The following RARG variants were observed in gnomAD, a reference collection of about 807,000 sequenced individuals.
RARG encodes the protein retinoic acid receptor gamma.
RARG carries 17 observed loss-of-function variants against 43.7 expected under a neutral mutation model. The ratio of observed to expected loss-of-function variants is 0.39; its 90% CI spans 0.27 to 0.58. The LOEUF is 0.58. RARG is among the 20% of genes least tolerant of loss of function. The pLI is 0.57. For synonymous variants in RARG, 238 were observed against 236.4 expected, an observed-to-expected ratio of 1.01 and a Z score of -0.06; for missense variants, 346 against 598.7, an observed-to-expected ratio of 0.58 and a Z score of 4.40.
chr12:53,222,233 G>GAAAGAAAGAAAA (rs1555181728), intron 3 of RARG, among the ~76,000 whole-genome samples: 4,261 of 149,780 alleles, frequency 0.028, 115 homozygotes, highest in South Asian at 0.099. Flanking sequence ...AAGAAAGAGA[G>GAAAGAAAGAAAA]AGAAAGAAAA....
chr12:53,219,979 A>G (rs1942903118), intron 3 of RARG: 1 of 1,519,534 alleles, frequency 6.6e-7, no homozygotes, highest in Non-Finnish European at 8.8e-7. Context: ...CGGCCAGGCA[A>G]AAGATTCAAG....
intron 3 of RARG, chr12:53,220,055 A>G (rs1244162010): frequency 1.3e-6 from 2 of 1,549,012 alleles, no homozygotes; most frequent in Admixed American, 2.0e-5. Flanking sequence ...GCCGCCCCGT[A>G]CAGCCGTCGC....
At position 53,211,677 on chromosome 12, in the gene RARG, C is replaced by G. The variant is rs770953830; in HGVS notation, c.1364G>C (p.Ter455SerextTer18). 6.7e-7 allele frequency: 1 copy of G among 1,493,276 alleles called. No individual in the cohort carries two copies. The highest frequency in any genetic ancestry group is 1.4e-5 in the African/African-American group (1 of 69,236). The allele number at this position is 1,493,276 out of a possible 1,614,324, so 92.5% of individuals were successfully genotyped here. A position where few individuals can be genotyped will look rare whatever the true frequency, so the allele number is the denominator to read the frequency against. Residue 455 changes from the stop codon to serine, a stop_lost, in exon 10 of 10, where the codon TGA becomes TCA. Coordinates refer to ENST00000425354, the MANE Select transcript of RARG (RefSeq NM_000966.6). The surrounding 1 kb of genome is among the most constrained non-coding windows in gnomAD (Gnocchi z 4.6). ...QGKGGLKSPA[*>S] ...CAGCGGGGAGGTCAGGGGCCCTGGTCAGGCTGGGGACTTCAGGCCCCCTTT... is the reference window on the plus strand; with the variant it reads ...CAGCGGGGAGGTCAGGGGCCCTGGTGAGGCTGGGGACTTCAGGCCCCCTTT...
At chr12:53,231,860 G>A in intron 1 of RARG, 114 bp downstream of exon 1, 1 of 388,248 alleles carries the variant, frequency 2.6e-6, no homozygotes, top group Non-Finnish European at 4.5e-6. Context: ...GGCCAGCCTG[G>A]CCAGCCTCGG....
At chr12:53,219,019 C>A (rs1200861214) in intron 3 of RARG, among the ~76,000 whole-genome samples, 2 of 152,160 alleles carry the variant, frequency 1.3e-5, no homozygotes, top group Non-Finnish European at 2.9e-5. Flanking sequence ...CCTCTCAGTC[C>A]CCAGCTTTTT....
intron 2 of RARG, among the ~76,000 whole-genome samples, chr12:53,228,693 T>C (rs78754886): frequency 0.037 from 5,628 of 151,822 alleles, 205 homozygotes; most frequent in East Asian, 0.13. Flanking sequence ...GCCTCCTTTT[T>C]TCTCTCTCTC....
At chr12:53,225,501 T>G (rs1943085807) in intron 3 of RARG, among the ~76,000 whole-genome samples, 1 of 152,166 alleles carries the variant, frequency 6.6e-6, no homozygotes, top group Non-Finnish European at 1.5e-5. Context: ...AGTCACCCCT[T>G]TCACATACAG....
rs762037797 is a variant in RARG, at chr12:53,215,612, A to G, written c.333+34T>C. ...TCTCTCATCTTACTAGGGTAACTGGATCCCCCGTCTGCCCACTCCCACCAC... is the reference window on the plus strand; with the variant it reads ...TCTCTCATCTTACTAGGGTAACTGGGTCCCCCGTCTGCCCACTCCCACCAC... On this transcript the variant is annotated intron_variant, in intron 4 of 9. Transcript: ENST00000425354. This position sits in a 1 kb window ranked among gnomAD's most constrained non-coding sequence, Gnocchi z 6.4. The G allele has an allele frequency of 3.8e-6, 6 of 1,598,830 alleles. No homozygotes were observed. Among genetic ancestry groups the G allele is most frequent in the Middle Eastern group, 1.7e-4 (1 of 5,998 alleles).
chr12:53,218,326 T>C (rs1245441079), intron 3 of RARG, among the ~76,000 whole-genome samples: 3 of 152,084 alleles, frequency 2.0e-5, no homozygotes, highest in East Asian at 3.9e-4. Context: ...TTGGTCCCAA[T>C]TAAAACTCAA....
chr12:53,212,733 T>TAC (rs1168228129), intron 9 of RARG, among the ~76,000 whole-genome samples: 235 of 130,858 alleles, frequency 1.8e-3, no homozygotes, highest in African/African-American at 5.7e-3. Flanking sequence ...TCTAAATATA[T>TAC]ATATACACAC....
In RARG at chr12:53,227,327, A is replaced by G. The variant is rs769540321; in HGVS notation, c.184+35T>C. On this transcript the variant is annotated intron_variant, in intron 3 of 9. Transcript: ENST00000425354. The surrounding 1 kb of genome is among the most constrained non-coding windows in gnomAD (Gnocchi z 4.3). ...ACCCTCCTGATGCCTTCTTGTTAACATTTGCCTTCATTCCCCAAGATCCCT... is the reference window on the plus strand; with the variant it reads ...ACCCTCCTGATGCCTTCTTGTTAACGTTTGCCTTCATTCCCCAAGATCCCT... 6.7e-7 allele frequency: 1 copy of G among 1,493,718 alleles called. No individual in the cohort carries two copies. The highest frequency in any genetic ancestry group is 1.3e-5 in the South Asian group (1 of 74,468). 92.5% of individuals were successfully genotyped at this position (1,493,718 alleles called of 1,614,324 possible). A position where few individuals can be genotyped will look rare whatever the true frequency, so the allele number is the denominator to read the frequency against.
intron 3 of RARG, among the ~76,000 whole-genome samples, chr12:53,216,860 G>GCGCA (rs1555180864): frequency 8.2e-6 from 1 of 121,712 alleles, no homozygotes; most frequent in Non-Finnish European, 1.7e-5. Flanking sequence ...GCGCGCGCGC[G>GCGCA]CGTGTGGTTG....
At chr12:53,214,411 T>C (rs368026845) in intron 6 of RARG, 35 bp downstream of exon 6, 2 of 1,597,042 alleles carry the variant, frequency 1.3e-6, no homozygotes, top group African/African-American at 2.7e-5. Flanking sequence ...AAGTGAAGAG[T>C]GCCCTGCCCT....
At chr12:53,214,265 G>A in intron 6 of RARG, 30 bp from the exon 7 acceptor site, 2 of 1,587,876 alleles carry the variant, frequency 1.3e-6, no homozygotes, top group Non-Finnish European at 1.7e-6. Context: ...AAGGTTGGAA[G>A]GCAAGCTAAG....
intron 3 of RARG, among the ~76,000 whole-genome samples, chr12:53,224,810 G>A (rs78435498): frequency 0.028 from 4,277 of 151,822 alleles, 112 homozygotes; most frequent in South Asian, 0.098. Context: ...CTCCTCCCTT[G>A]GATTTCTCCT....
In RARG at chr12:53,213,101, C is replaced by T. The variant is rs1942651017; in HGVS notation, c.1161G>A (p.Arg387=). The change falls in exon 9 of 10, where the codon CGG becomes CGA. Residue 387 remains arginine (R), a synonymous_variant. Coordinates refer to ENST00000425354, the MANE Select transcript of RARG (RefSeq NM_000966.6). This position sits in a 1 kb window ranked among gnomAD's most constrained non-coding sequence, Gnocchi z 4.7. ...PRMLMKITDL[R]GISTKGAERA... is the part of the protein sequence containing the mutation. ...ATGACTCACCCTTAGTGCTGATGCC[C>T]CGGAGGTCGGTGATTTTCATTAGCA... 6.2e-7 allele frequency: 1 copy of T among 1,613,560 alleles called. No individual in the cohort carries two copies. Among genetic ancestry groups the T allele is most frequent in the East Asian group, 2.2e-5 (1 of 44,884 alleles).
At chr12:53,228,774 A>G (rs559864340) in intron 2 of RARG, among the ~76,000 whole-genome samples, 1 of 152,200 alleles carries the variant, frequency 6.6e-6, no homozygotes, top group Non-Finnish European at 1.5e-5. Flanking sequence ...GGGTTTCTCC[A>G]GGTTGGTCAG....
intron 2 of RARG, among the ~76,000 whole-genome samples, chr12:53,228,447 C>T (rs576247235): frequency 2.1e-4 from 32 of 152,290 alleles, no homozygotes; most frequent in African/African-American, 6.0e-4. Context: ...CATATTAGTT[C>T]TCTTTGTACC....
chr12:53,227,285 C>T lies in RARG; in HGVS notation c.184+77G>A. ...CTGCCTGCCTTCCTAACTGGGGTGC[C>T]AACTCTTTTACCATCCACCCTCCTG... On this transcript the variant is annotated intron_variant, in intron 3 of 9. Coordinates refer to ENST00000425354, the MANE Select transcript of RARG (RefSeq NM_000966.6). This position sits in a 1 kb window ranked among gnomAD's most constrained non-coding sequence, Gnocchi z 4.3. The T allele has an allele frequency of 7.1e-7, 1 of 1,417,198 alleles. No individual in the cohort carries two copies. Among genetic ancestry groups the T allele is most frequent in the Non-Finnish European group, 9.4e-7 (1 of 1,061,876 alleles). The allele number at this position is 1,417,198 out of a possible 1,614,324, so 87.8% of individuals were successfully genotyped here. A position where few individuals can be genotyped will look rare whatever the true frequency, so the allele number is the denominator to read the frequency against.
Sources: gnomAD v4.1 joint callset for allele counts (sites outside exome capture counted in the v4.1 genomes callset) on GRCh38, gnomAD v4.1.1 for gene constraint, Gnocchi (gnomAD v3.1) non-coding constraint, MANE v1.5 for transcripts, NCBI Gene and HGNC (gene_info 2026-07-23, HGNC 2026-07-21) for gene names.